TDRD1: variants seen among roughly 807,000 people sequenced by gnomAD.
The protein encoded by TDRD1 is tudor domain-containing protein 1.
TDRD1 carries 37 observed loss-of-function variants against 140.6 expected under a neutral mutation model. The ratio of observed to expected loss-of-function variants is 0.26; its 90% CI spans 0.20 to 0.35. TDRD1 has a LOEUF of 0.35. Ranked by LOEUF, TDRD1 falls within the 10% of genes least tolerant of loss-of-function variation. TDRD1 has a pLI of 1.00. For synonymous variants in TDRD1, 506 were observed against 475.7 expected (o/e 1.06, Z -0.83); for missense variants, 1,243 against 1,393.0 (o/e 0.89, Z 1.71).
chr10:114,211,088 A>G, intron 13 of TDRD1, 121 bp downstream of exon 13: 4 of 729,172 alleles, frequency 5.5e-6, no homozygotes, highest in Admixed American at 2.9e-5. Context: ...TAAAGCTTGA[A>G]TATTAGAGTG....
chr10:114,201,202 A>G (rs1564944829), intron 4 of TDRD1, among the ~76,000 whole-genome samples: 1 of 152,118 alleles, frequency 6.6e-6, no homozygotes, highest in East Asian at 1.9e-4. Flanking sequence ...TAGGAAACTC[A>G]GTTATGTGTC....
At chr10:114,194,933 T>C (rs1200805091) in intron 3 of TDRD1, among the ~76,000 whole-genome samples, 2 of 151,276 alleles carry the variant, frequency 1.3e-5, no homozygotes. Context: ...CTTTTTTTTT[T>C]TTTTTCTGTA....
At chr10:114,216,301 A>G (rs1011246022) in intron 16 of TDRD1, among the ~76,000 whole-genome samples, 2 of 152,130 alleles carry the variant, frequency 1.3e-5, no homozygotes, top group Non-Finnish European at 2.9e-5. Context: ...ATTCTTTTTC[A>G]TGGCTACATG....
At chr10:114,196,659 A>C (rs1448018268) in intron 3 of TDRD1, among the ~76,000 whole-genome samples, 1 of 151,638 alleles carries the variant, frequency 6.6e-6, no homozygotes, top group Non-Finnish European at 1.5e-5. Flanking sequence ...GAATTTTAAA[A>C]ATTTCCCCCC....
At chr10:114,206,180 C>A in intron 10 of TDRD1, 64 bp from the exon 11 acceptor site, 1 of 1,235,720 alleles carries the variant, frequency 8.1e-7, no homozygotes, top group Non-Finnish European at 1.2e-6. Flanking sequence ...TTCTTCTTTA[C>A]GCTTTTCCCA....
chr10:114,206,614 T>G (rs2035127433), intron 11 of TDRD1, among the ~76,000 whole-genome samples: 1 of 144,270 alleles, frequency 6.9e-6, no homozygotes, highest in Non-Finnish European at 1.5e-5. Context: ...AGGGTTTGTT[T>G]TTTTTTTTTT....
chr10:114,198,352 C>T (rs955894777), intron 3 of TDRD1, among the ~76,000 whole-genome samples: 6 of 152,152 alleles, frequency 3.9e-5, no homozygotes, highest in Middle Eastern at 3.2e-3. Flanking sequence ...GGTGGAAATC[C>T]GGGTTCCCCA....
chr10:114,213,723 C>T, intron 15 of TDRD1, 135 bp downstream of exon 15: 1 of 893,080 alleles, frequency 1.1e-6, no homozygotes. Context: ...CATCTAAATA[C>T]TTGTAAGAAT....
chr10:114,186,677 C>CT (rs2033557319), intron 1 of TDRD1, among the ~76,000 whole-genome samples: 1 of 152,204 alleles, frequency 6.6e-6, no homozygotes, highest in Non-Finnish European at 1.5e-5. Flanking sequence ...TTTACTTCCC[C>CT]TGGCAGCTGC....
chr10:114,219,587 A>AT (rs11327196), intron 18 of TDRD1, among the ~76,000 whole-genome samples: 2,335 of 135,114 alleles, frequency 0.017, 56 homozygotes, highest in African/African-American at 0.056. Flanking sequence ...TCTTTTTTTA[A>AT]TTTTTTTTTT....
chr10:114,177,462 C>T (rs945858611), upstream of TDRD1, among the ~76,000 whole-genome samples: 6 of 152,144 alleles, frequency 3.9e-5, no homozygotes, highest in Admixed American at 6.5e-5. Context: ...TCCTTTCCTA[C>T]CAGCAGAAAA....
intron 22 of TDRD1, among the ~76,000 whole-genome samples, chr10:114,226,795 G>C (rs2036464122): frequency 6.6e-6 from 1 of 152,102 alleles, no homozygotes; most frequent in Non-Finnish European, 1.5e-5. Context: ...ACTCAGAGTT[G>C]GAAAATTATC....
intron 1 of TDRD1, chr10:114,179,765 C>T (rs2032880287): frequency 6.6e-6 from 1 of 152,170 alleles, no homozygotes; most frequent in African/African-American, 2.4e-5. Flanking sequence ...CCCTACTTTC[C>T]TCCTATAGGA....
At chr10:114,217,742 T>A in intron 17 of TDRD1, 87 bp downstream of exon 17, 2 of 674,100 alleles carry the variant, frequency 3.0e-6, no homozygotes, top group Non-Finnish European at 5.2e-6. Context: ...TCTTAATGCT[T>A]AAGCAAACAT....
exon 10 of TDRD1, chr10:114,204,836 G>C (rs909451021): frequency 8.1e-6 from 13 of 1,597,276 alleles, no homozygotes; most frequent in Admixed American, 1.8e-5. Flanking sequence ...AAAGATTGTC[G>C]ACATCTTGGA....
exon 9 of TDRD1, chr10:114,204,143 A>T (rs1390730409): frequency 2.5e-6 from 4 of 1,602,440 alleles, no homozygotes; most frequent in Non-Finnish European, 3.4e-6. Context: ...TATATTGATT[A>T]TGGAAATGAA....
intron 2 of TDRD1, among the ~76,000 whole-genome samples, chr10:114,189,039 A>G (rs759369448): frequency 3.3e-5 from 5 of 152,218 alleles, no homozygotes; most frequent in Non-Finnish European, 7.3e-5. Flanking sequence ...TTTTCCTCAC[A>G]GTATTTGTCT....
intron 2 of TDRD1, among the ~76,000 whole-genome samples, chr10:114,188,479 A>G (rs2033710810): frequency 6.6e-6 from 1 of 152,124 alleles, no homozygotes; most frequent in Non-Finnish European, 1.5e-5. Flanking sequence ...TACTGTGCAA[A>G]CTTCATGCAT....
rs567796819 is a variant in TDRD1 at position 114,190,023 on chromosome 10, G to A, written c.326-938G>A. On this transcript the variant is annotated intron_variant, in intron 2 of 25. Transcript: ENST00000251864. ...AAAGGCAAATATCCTTCTATTATTT[G>A]CCTTTAACAGAGGAGAACATTAAGT... is the stretch of plus-strand genomic sequence containing the variant. 2.6e-5 allele frequency among the ~76,000 whole-genome samples: 4 copies of A among 152,196 alleles called. No individual in the cohort carries two copies. The South Asian group carries it at 8.3e-4, about 32-fold the overall frequency.
Sources: gnomAD v4.1 joint callset for allele counts (sites outside exome capture counted in the v4.1 genomes callset) on GRCh38, gnomAD v4.1.1 for gene constraint, MANE v1.5 for transcripts, NCBI Gene and HGNC (gene_info 2026-07-23, HGNC 2026-07-21) for gene names.